Variants in MYO3B observed in about 807,000 individuals in gnomAD.
MYO3B encodes myosin-IIIb.
In MYO3B, 156 loss-of-function variants were observed where a neutral mutation model predicts 174.6. That is an observed-to-expected ratio of 0.89 (90% confidence interval 0.78 to 1.02). The LOEUF is 1.02. MYO3B is among the 50% of genes least tolerant of loss of function. The pLI, the probability that MYO3B is intolerant of heterozygous loss-of-function variation, is 0.00. For synonymous variants in MYO3B, 563 were observed against 569.1 expected, an observed-to-expected ratio of 0.99 and a Z score of 0.15; for missense variants, 1,632 against 1,639.4, an observed-to-expected ratio of 1.00 and a Z score of 0.08.
chr2:170,476,193 T>C lies in MYO3B; in HGVS notation c.3014+9482T>C, dbSNP rs559417782. On this transcript the variant is annotated intron_variant, in intron 25 of 34. Transcript: ENST00000408978. ...CACGTGCAGGAGCTGGGACAAGCGC[T>C]GTGGGTTCCAGCCCCACTCTCCAAG... 1.1e-4 allele frequency among the ~76,000 whole-genome samples: 17 copies of C among 152,332 alleles called. 1 individual carries two copies. The South Asian group carries it at 1.2e-3, about 11-fold the overall frequency.
intron 8 of MYO3B, chr2:170,350,416 AG>A (rs2094056365): frequency 6.6e-6 from 1 of 152,172 alleles, no homozygotes; most frequent in South Asian, 2.1e-4. Context: ...CCTCTCCAAA[AG>A]CTTCTGCCCA....
intron 3 of MYO3B, among the ~76,000 whole-genome samples, chr2:170,211,056 G>C (rs148319887): frequency 6.6e-6 from 1 of 152,242 alleles, no homozygotes; most frequent in African/African-American, 2.4e-5. Flanking sequence ...TGACTGGGAG[G>C]CAAAATCAGA....
chr2:170,547,384 C>T (rs866965879), intron 32 of MYO3B, among the ~76,000 whole-genome samples: 2 of 151,410 alleles, frequency 1.3e-5, no homozygotes, highest in Admixed American at 6.6e-5. Flanking sequence ...CGGCTTATTG[C>T]TCACATTAAG....
chr2:170,551,348 A>ATTTTTTTT (rs5836286), intron 32 of MYO3B, among the ~76,000 whole-genome samples: 16 of 143,786 alleles, frequency 1.1e-4, no homozygotes, highest in South Asian at 2.2e-4. Context: ...AATTTAATTT[A>ATTTTTTTT]ATTATTTATT....
intron 32 of MYO3B, among the ~76,000 whole-genome samples, chr2:170,610,141 C>A (rs1233066169): frequency 1.3e-5 from 2 of 152,140 alleles, no homozygotes; most frequent in African/African-American, 4.8e-5. Context: ...TCAAGACCAT[C>A]CTGGCTAACA....
At position 170,543,999 on chromosome 2, in the gene MYO3B, C is replaced by A. The variant is rs183478786; in HGVS notation, c.3733+11C>A. 6 of 1,592,388 alleles carry A rather than the reference C, an allele frequency of 3.8e-6. No individual in the cohort carries two copies. The highest frequency in any genetic ancestry group is 4.3e-6 in the Non-Finnish European group (5 of 1,161,358). ...CCCCTCAAAAGCCTGGTAAGAAGAA[C>A]GTTTTGAATTGCATGCGGCTTCTAC... On this transcript the variant is annotated intron_variant, in intron 32 of 34. Transcript: ENST00000408978.
chr2:170,502,725 T>C (rs1001766754), intron 28 of MYO3B, among the ~76,000 whole-genome samples: 1 of 152,110 alleles, frequency 6.6e-6, no homozygotes, highest in African/African-American at 2.4e-5. Flanking sequence ...ATGAGAGAAA[T>C]AGCCAGGCTG....
At chr2:170,640,419 A>G (rs1697872217) in intron 32 of MYO3B, 1 of 152,154 alleles carries the variant, frequency 6.6e-6, no homozygotes, top group African/African-American at 2.4e-5. Context: ...TTCCCAAGTG[A>G]AGGCCTCTAA....
At chr2:170,506,546 T>C (rs1412026833) in intron 28 of MYO3B, among the ~76,000 whole-genome samples, 1 of 152,224 alleles carries the variant, frequency 6.6e-6, no homozygotes, top group Non-Finnish European at 1.5e-5. Flanking sequence ...CGGTAAACAA[T>C]GAGATTTAAT....
intron 32 of MYO3B, among the ~76,000 whole-genome samples, chr2:170,620,046 G>A (rs1695780929): frequency 6.6e-6 from 1 of 151,914 alleles, no homozygotes; most frequent in East Asian, 1.9e-4. Context: ...CCAAGAAGTG[G>A]GGATCATTAA....
intron 31 of MYO3B, 126 bp downstream of exon 31, chr2:170,543,092 T>G: frequency 1.4e-6 from 1 of 724,330 alleles, no homozygotes; most frequent in Non-Finnish European, 2.3e-6. Flanking sequence ...GTTAGTGATA[T>G]TTTGAAGTCT....
In MYO3B at chr2:170,440,095, A is replaced by T. The variant is rs144500193; in HGVS notation, c.2651-3872A>T. Among the ~76,000 whole-genome samples, 591 of 152,232 alleles carry T rather than the reference A, an allele frequency of 3.9e-3. 7 individuals are homozygous for T. The highest frequency in any genetic ancestry group is 0.013 in the African/African-American group (556 of 41,528). On this transcript the variant is annotated intron_variant, in intron 22 of 34. Transcript: ENST00000408978. ...TATGTGGATATTCACTTTTCCTAAC[A>T]CTGTTTGTTGAAGAGATTATTTTAC...
At chr2:170,494,890 C>T (rs2106059398) in intron 25 of MYO3B, among the ~76,000 whole-genome samples, 1 of 152,250 alleles carries the variant, frequency 6.6e-6, no homozygotes, top group Non-Finnish European at 1.5e-5. Flanking sequence ...GCCCCATGTC[C>T]TTCTCCCTAC....
At chr2:170,222,624 A>G (rs1004889279) in intron 6 of MYO3B, among the ~76,000 whole-genome samples, 2 of 152,122 alleles carry the variant, frequency 1.3e-5, no homozygotes, top group African/African-American at 2.4e-5. Flanking sequence ...TTCTTATAAG[A>G]ACACCAGTCC....
chr2:170,598,337 G>A (rs558917683), intron 32 of MYO3B, among the ~76,000 whole-genome samples: 5 of 152,320 alleles, frequency 3.3e-5, no homozygotes, highest in South Asian at 4.2e-4. Context: ...AGGGCCTCAC[G>A]AACGAATTCC....
intron 32 of MYO3B, among the ~76,000 whole-genome samples, chr2:170,608,555 T>C (rs1694954433): frequency 2.0e-5 from 3 of 152,100 alleles, no homozygotes; most frequent in Admixed American, 1.3e-4. Flanking sequence ...TTGTTACCGT[T>C]TACATGTCCT....
intron 32 of MYO3B, among the ~76,000 whole-genome samples, chr2:170,646,257 G>A (rs1330445607): frequency 6.7e-6 from 1 of 148,562 alleles, no homozygotes; most frequent in East Asian, 2.0e-4. Context: ...GGCAAGAAGA[G>A]CGAAACTCTG....
intron 32 of MYO3B, among the ~76,000 whole-genome samples, chr2:170,555,189 C>T (rs1016853541): frequency 1.3e-5 from 2 of 152,086 alleles, no homozygotes; most frequent in Non-Finnish European, 2.9e-5. Flanking sequence ...ACCCTTTCTC[C>T]TCTCCTTTTC....
intron 1 of MYO3B, among the ~76,000 whole-genome samples, chr2:170,182,189 A>G (rs192631113): frequency 6.6e-6 from 1 of 152,078 alleles, no homozygotes; most frequent in East Asian, 1.9e-4. Flanking sequence ...AGGGCTTGTG[A>G]GTTTTCTATT....
Sources: allele counts gnomAD v4.1 joint callset (sites outside exome capture counted in the v4.1 genomes callset), GRCh38; gene constraint gnomAD v4.1.1; transcripts MANE v1.5; gene names NCBI Gene and HGNC (gene_info 2026-07-23, HGNC 2026-07-21).